Variants in ITPR2 observed in about 807,000 individuals in gnomAD.
The protein encoded by ITPR2 is inositol 1,4,5-trisphosphate receptor type 2.
ITPR2 carries 207 observed loss-of-function variants against 317.1 expected under a neutral mutation model. That is an observed-to-expected ratio of 0.65 (90% CI 0.58 to 0.73). ITPR2 has a LOEUF of 0.73. Ranked by LOEUF, ITPR2 falls within the 30% of genes least tolerant of loss-of-function variation. The probability of loss-of-function intolerance (pLI) is 0.00; values close to 1 mark genes in which losing one functional copy is unlikely to be tolerated. For synonymous variants in ITPR2, 1,156 were observed against 1,149.1 expected, an observed-to-expected ratio of 1.01 and a Z score of -0.12; for missense variants, 2,613 against 3,284.0, an observed-to-expected ratio of 0.80 and a Z score of 4.99.
intron 55 of ITPR2, among the ~76,000 whole-genome samples, chr12:26,385,793 T>G (rs1244379467): frequency 6.6e-6 from 1 of 152,052 alleles, no homozygotes; most frequent in Admixed American, 6.5e-5. Flanking sequence ...TCGGGCATAT[T>G]GCCACCCCAC....
rs1591829780 is a variant in ITPR2 at position 26,495,331 on chromosome 12, T to C, written c.5074-71A>G. ...AAGTGAAAAATGTCAGTATGTTAAA[T>C]GCTTTAAATGCATTTTGTGAATGAT... is the stretch of plus-strand genomic sequence containing the variant. On this transcript the variant is annotated intron_variant, in intron 37 of 56. Coordinates refer to ENST00000381340, the MANE Select transcript of ITPR2 (RefSeq NM_002223.4). 3.8e-6 allele frequency: 3 copies of C among 785,386 alleles called. No individual in the cohort carries two copies. In the East Asian group the frequency reaches 8.1e-5, roughly 21 times the overall value. The allele number at this position is 785,386 out of a possible 1,614,324, so 48.7% of individuals were successfully genotyped here.
At chr12:26,652,136 C>T (rs764457668) in intron 21 of ITPR2, among the ~76,000 whole-genome samples, 1 of 152,168 alleles carries the variant, frequency 6.6e-6, no homozygotes, top group Non-Finnish European at 1.5e-5. Context: ...CCTTTGCACA[C>T]GATCCCTTTT....
intron 37 of ITPR2, among the ~76,000 whole-genome samples, chr12:26,497,497 T>A (rs544847994): frequency 2.9e-5 from 1 of 34,806 alleles, no homozygotes; most frequent in South Asian, 1.7e-3. Context: ...TTCAATTGTT[T>A]TAGGCACCAT....
intron 43 of ITPR2, 60 bp downstream of exon 43, chr12:26,481,071 C>A: frequency 1.1e-6 from 1 of 914,520 alleles, no homozygotes; most frequent in Non-Finnish European, 1.7e-6. Context: ...ACAAGAGCTG[C>A]TTGAAGATTG....
chr12:26,704,308 G>A (rs1244035544), intron 9 of ITPR2, among the ~76,000 whole-genome samples: 2 of 152,182 alleles, frequency 1.3e-5, no homozygotes, highest in Non-Finnish European at 2.9e-5. Context: ...CTTTTCAGCT[G>A]TTCTCCTAGA....
chr12:26,509,958 T>TTTTGTGTGTGTGTGTGTG lies in ITPR2; in HGVS notation c.5074-14699_5074-14698insCACACACACACACACAAA, dbSNP rs1247091708. Among the ~76,000 whole-genome samples the TTTTGTGTGTGTGTGTGTG allele has an allele frequency of 1.5e-4, 8 of 53,262 alleles. No individual in the cohort carries two copies. The East Asian group carries it at 3.5e-3, about 23-fold the overall frequency. The allele number at this position is 53,262 out of a possible 152,430, so 34.9% of individuals were successfully genotyped here. A position where few individuals can be genotyped will look rare whatever the true frequency, so the allele number is the denominator to read the frequency against. ...TTTTGTTAACAAGTAGATAAGGGTT[T>TTTTGTGTGTGTGTGTGTG]TGTGTGTGTGTGTGTGTGTGTGTGT... On this transcript the variant is annotated intron_variant, in intron 37 of 56. Transcript: ENST00000381340.
intron 55 of ITPR2, among the ~76,000 whole-genome samples, chr12:26,350,709 A>G (rs1938452966): frequency 6.6e-6 from 1 of 151,664 alleles, no homozygotes; most frequent in Non-Finnish European, 1.5e-5. Context: ...GCCCCCGAGA[A>G]CCCACCTGGC....
At chr12:26,391,556 C>CTTTTTTTTTTT (rs1555117374) in intron 54 of ITPR2, among the ~76,000 whole-genome samples, 1 of 98,600 alleles carries the variant, frequency 1.0e-5, no homozygotes, top group Non-Finnish European at 1.9e-5. Flanking sequence ...TCTTCTTTTC[C>CTTTTTTTTTTT]TTTTTTTTTT....
chr12:26,509,958 T>TTGTGTGTGTGTG (rs56063133), intron 37 of ITPR2, among the ~76,000 whole-genome samples: 1,356 of 53,174 alleles, frequency 0.026, 93 homozygotes, highest in Middle Eastern at 0.058. Flanking sequence ...GATAAGGGTT[T>TTGTGTGTGTGTG]TGTGTGTGTG....
At chr12:26,518,246 T>A (rs1019960125) in intron 37 of ITPR2, among the ~76,000 whole-genome samples, 2 of 152,218 alleles carry the variant, frequency 1.3e-5, no homozygotes, top group Admixed American at 6.5e-5. Context: ...GAGGCCATTA[T>A]CCTAAGCAAA....
intron 13 of ITPR2, among the ~76,000 whole-genome samples, chr12:26,672,959 A>G (rs1476133274): frequency 6.6e-6 from 1 of 152,234 alleles, no homozygotes; most frequent in Non-Finnish European, 1.5e-5. Context: ...GAAGAAATGG[A>G]TAAATTCCTT....
intron 2 of ITPR2, among the ~76,000 whole-genome samples, chr12:26,754,176 T>C (rs1158682661): frequency 6.6e-6 from 1 of 152,246 alleles, no homozygotes; most frequent in Non-Finnish European, 1.5e-5. Context: ...TAAAGGATTA[T>C]TGGTAAAATA....
Position 26,536,966 on chromosome 12 carries a change from T to C in ITPR2, c.5073+13281A>G, listed in dbSNP as rs144049874. Among the ~76,000 whole-genome samples the C allele has an allele frequency of 9.8e-4, 149 of 152,256 alleles. 1 individual carries two copies. Among genetic ancestry groups the C allele is most frequent in the African/African-American group, 3.4e-3 (140 of 41,540 alleles). On this transcript the variant is annotated intron_variant, in intron 37 of 56. Transcript: ENST00000381340. ...CACAGGGACAAAAAGCTTCTTCCCC[T>C]GGAGGATGAAGGAGAAAAGAGACAG...
At position 26,681,989 on chromosome 12, in the gene ITPR2, C is replaced by T. The variant is rs771532403; in HGVS notation, c.1294G>A (p.Val432Met). The T allele has an allele frequency of 1.2e-6, 2 of 1,613,638 alleles. No homozygotes were observed. The highest frequency in any genetic ancestry group is 1.7e-5 in the Admixed American group (1 of 59,990). Residue 432 changes from valine (V) to methionine (M), a missense_variant, in exon 13 of 57, where the codon GTG becomes ATG. This residue lies in a region of ITPR2 where 515 missense variants were observed against 789.4 expected (regional missense o/e 0.65). Transcript: ENST00000381340. ...TKEDKEAFAI[V>M]SVPLSEVRDL... ...CGAACTTCAGACAGTGGAACAGACA[C>T]GATTGCGAACGCTTCTTTATCTTCT...
chr12:26,541,210 G>C (rs1963061), intron 37 of ITPR2, among the ~76,000 whole-genome samples: 3 of 150,958 alleles, frequency 2.0e-5, no homozygotes, highest in Non-Finnish European at 4.4e-5. Flanking sequence ...CCAGCTACTC[G>C]GGAGGCTGAG....
intron 10 of ITPR2, among the ~76,000 whole-genome samples, chr12:26,692,331 G>A (rs949847276): frequency 1.3e-5 from 2 of 152,118 alleles, no homozygotes; most frequent in African/African-American, 4.8e-5. Context: ...GTGAGTAGAG[G>A]GTGTGGATGC....
chr12:26,830,457 T>C (rs1442548310), intron 1 of ITPR2, among the ~76,000 whole-genome samples: 1 of 152,254 alleles, frequency 6.6e-6, no homozygotes, highest in Non-Finnish European at 1.5e-5. Flanking sequence ...TTATTATGTA[T>C]AACCAAAGAA....
At chr12:26,518,880 C>T (rs1446088259) in intron 37 of ITPR2, among the ~76,000 whole-genome samples, 4 of 152,024 alleles carry the variant, frequency 2.6e-5, no homozygotes, top group Non-Finnish European at 5.9e-5. Flanking sequence ...TAAATGATCA[C>T]AAGATTTTCT....
chr12:26,374,169 G>T (rs762209713), intron 55 of ITPR2, among the ~76,000 whole-genome samples: 7 of 152,218 alleles, frequency 4.6e-5, no homozygotes, highest in Non-Finnish European at 8.8e-5. Flanking sequence ...AATATTTATG[G>T]AAGCTCCCAA....
Sources: gnomAD v4.1 joint callset for allele counts (sites outside exome capture counted in the v4.1 genomes callset) on GRCh38, gnomAD v4.1.1 for gene constraint, gnomAD v4.1.1 regional missense constraint, MANE v1.5 for transcripts, NCBI Gene and HGNC (gene_info 2026-07-23, HGNC 2026-07-21) for gene names.